The following COG5 variants were observed in gnomAD, a reference collection of about 807,000 sequenced individuals.
COG5 encodes the protein conserved oligomeric Golgi complex subunit 5.
In COG5, 86 loss-of-function variants were observed where a neutral mutation model predicts 110.4. The ratio of observed to expected loss-of-function variants is 0.78; its 90% confidence interval spans 0.65 to 0.93. The LOEUF (loss-of-function observed/expected upper bound fraction) is 0.93, where lower values mean the gene tolerates loss of function less well. Ranked by LOEUF, COG5 falls within the 40% of genes least tolerant of loss-of-function variation. The probability of loss-of-function intolerance (pLI) is 0.00; values close to 1 mark genes in which losing one functional copy is unlikely to be tolerated. For synonymous variants in COG5, 360 were observed against 334.6 expected, an observed-to-expected ratio of 1.08 and a Z score of -0.83; for missense variants, 1,077 against 987.0, an observed-to-expected ratio of 1.09 and a Z score of -1.22.
chr7:107,540,519 A>G (rs1450503354), intron 5 of COG5, among the ~76,000 whole-genome samples: 1 of 151,448 alleles, frequency 6.6e-6, no homozygotes, highest in Non-Finnish European at 1.5e-5. Context: ...TAGAGGTTAC[A>G]GTGGGTCAAG....
At chr7:107,438,302 A>C (rs1794484238) in intron 6 of COG5, among the ~76,000 whole-genome samples, 1 of 152,216 alleles carries the variant, frequency 6.6e-6, no homozygotes, top group Non-Finnish European at 1.5e-5. Flanking sequence ...CAGAGGCAGC[A>C]CCAGAGAAAT....
intron 6 of COG5, among the ~76,000 whole-genome samples, chr7:107,437,829 T>C (rs1226133573): frequency 1.3e-5 from 2 of 152,120 alleles, no homozygotes; most frequent in Non-Finnish European, 1.5e-5. Flanking sequence ...AATATCCACT[T>C]TCCCCTTGAT....
At chr7:107,267,752 T>TA (rs1425633478) in intron 14 of COG5, among the ~76,000 whole-genome samples, 3 of 152,186 alleles carry the variant, frequency 2.0e-5, no homozygotes, top group East Asian at 3.9e-4. Context: ...CAATACAATT[T>TA]AAAAAAAATA....
rs983761420 is a variant in COG5 at position 107,249,700 on chromosome 7, G to C, written c.1750-1201C>G. On this transcript the variant is annotated intron_variant, in intron 16 of 21. Transcript: ENST00000297135. ...ATACAACGTACAGGATTGTGTGTGT[G>C]TGTGTGTGTGTGTGTGTGTGTGTGT... Among the ~76,000 whole-genome samples the C allele has an allele frequency of 6.3e-4, 80 of 126,158 alleles. 1 individual carries two copies. The highest frequency in any genetic ancestry group is 2.5e-3 in the South Asian group (11 of 4,454). 82.8% of individuals were successfully genotyped at this position (126,158 alleles called of 152,430 possible).
chr7:107,516,724 T>A (rs544629895), intron 6 of COG5, among the ~76,000 whole-genome samples: 1 of 152,146 alleles, frequency 6.6e-6, no homozygotes, highest in South Asian at 2.1e-4. Flanking sequence ...GTGAACAGGG[T>A]CTGCAGTGGA....
At chr7:107,249,694 G>GTCTC (rs200264890) in intron 16 of COG5, among the ~76,000 whole-genome samples, 1 of 59,222 alleles carries the variant, frequency 1.7e-5, no homozygotes, top group South Asian at 4.1e-4. Flanking sequence ...ACAGGATTGT[G>GTCTC]TGTGTGTGTG....
intron 10 of COG5, among the ~76,000 whole-genome samples, chr7:107,352,367 G>C (rs1480196673): frequency 6.7e-6 from 1 of 150,250 alleles, no homozygotes; most frequent in Non-Finnish European, 1.5e-5. Context: ...AAGTTAATGG[G>C]TGCAGCACAC....
At chr7:107,364,985 T>C (rs1314076030) in intron 8 of COG5, among the ~76,000 whole-genome samples, 1 of 152,082 alleles carries the variant, frequency 6.6e-6, no homozygotes, top group Non-Finnish European at 1.5e-5. Context: ...ATATGTTATA[T>C]AAAGAATGAA....
intron 10 of COG5, among the ~76,000 whole-genome samples, chr7:107,332,091 G>A (rs1263588331): frequency 2.0e-5 from 3 of 151,996 alleles, no homozygotes; most frequent in South Asian, 2.1e-4. Context: ...TCATGTGATC[G>A]CCCGCCTTGG....
rs966846011 is a variant in COG5, at chr7:107,201,510, T to C, written c.*2006A>G. On this transcript the variant is annotated 3_prime_UTR_variant, in exon 22 of 22. Transcript: ENST00000297135. ...GGAAAGACTTAAGAAGATCAAGGTCTCACCATTTGTCCTCAATTCGTGTGA... is the reference window on the plus strand; with the variant it reads ...GGAAAGACTTAAGAAGATCAAGGTCCCACCATTTGTCCTCAATTCGTGTGA... 1 of 826,606 alleles carries C rather than the reference T, an allele frequency of 1.2e-6. No homozygotes were observed. The highest frequency in any genetic ancestry group is 1.6e-5 in the South Asian group (1 of 62,630). 51.2% of individuals were successfully genotyped at this position (826,606 alleles called of 1,614,324 possible).
intron 5 of COG5, among the ~76,000 whole-genome samples, chr7:107,542,255 A>G (rs936634455): frequency 2.0e-5 from 3 of 152,214 alleles, no homozygotes; most frequent in African/African-American, 4.8e-5. Context: ...TGAAACACAC[A>G]TAATAGATGA....
chr7:107,422,298 G>C (rs1249108477), intron 6 of COG5, among the ~76,000 whole-genome samples: 1 of 152,170 alleles, frequency 6.6e-6, no homozygotes, highest in Non-Finnish European at 1.5e-5. Flanking sequence ...CCAGGCTGTT[G>C]ATTTTTAAGT....
intron 10 of COG5, among the ~76,000 whole-genome samples, chr7:107,348,125 CAAA>C (rs34140927): frequency 2.0e-5 from 1 of 51,234 alleles, no homozygotes; most frequent in Non-Finnish European, 3.4e-5. Flanking sequence ...GACTCCATCT[CAAA>C]AAAAAAAAAA....
intron 10 of COG5, among the ~76,000 whole-genome samples, chr7:107,345,836 A>T (rs1057347468): frequency 6.6e-6 from 1 of 152,226 alleles, no homozygotes; most frequent in African/African-American, 2.4e-5. Flanking sequence ...TCAAATTTAT[A>T]TTGGATTACT....
At chr7:107,214,271 A>C (rs1799367173) in intron 19 of COG5, among the ~76,000 whole-genome samples, 2 of 152,210 alleles carry the variant, frequency 1.3e-5, no homozygotes, top group Non-Finnish European at 2.9e-5. Flanking sequence ...TGTTACATAC[A>C]AAGAACTTGC....
chr7:107,431,568 T>C (rs1794028086), intron 6 of COG5, among the ~76,000 whole-genome samples: 1 of 152,200 alleles, frequency 6.6e-6, no homozygotes, highest in Non-Finnish European at 1.5e-5. Context: ...ATTTGGGGCA[T>C]CATCAAACTC....
intron 14 of COG5, among the ~76,000 whole-genome samples, chr7:107,279,562 T>C (rs1805001040): frequency 6.6e-6 from 1 of 152,126 alleles, no homozygotes; most frequent in Non-Finnish European, 1.5e-5. Context: ...GGTATAATTT[T>C]AGCACATTGA....
intron 6 of COG5, among the ~76,000 whole-genome samples, chr7:107,521,225 T>A (rs1359849212): frequency 1.3e-5 from 2 of 152,182 alleles, no homozygotes; most frequent in Non-Finnish European, 2.9e-5. Flanking sequence ...ATTCAGGGCA[T>A]GGGCATGGGC....
chr7:107,508,458 G>A (rs1021124171), intron 6 of COG5, among the ~76,000 whole-genome samples: 7 of 152,328 alleles, frequency 4.6e-5, no homozygotes, highest in Non-Finnish European at 4.4e-5. Flanking sequence ...TGGGGGCAGG[G>A]CACAGACAAA....
Sources: gnomAD v4.1 joint callset for allele counts (sites outside exome capture counted in the v4.1 genomes callset) on GRCh38, gnomAD v4.1.1 for gene constraint, MANE v1.5 for transcripts, NCBI Gene and HGNC (gene_info 2026-07-23, HGNC 2026-07-21) for gene names.